The following SMARCC1 variants were observed in gnomAD, a reference collection of about 807,000 sequenced individuals.
SMARCC1 encodes SWI/SNF related BAF chromatin remodeling complex subunit C1.
Under a neutral mutation model 147.4 loss-of-function variants are expected in SMARCC1, and 43 were observed. The observed-to-expected ratio is 0.29, with a 90% CI of 0.23 to 0.38. SMARCC1 has a LOEUF of 0.38. Among genes scored for constraint, SMARCC1 ranks in the 10% least tolerant of loss-of-function variants. The pLI is 1.00. For missense variants in SMARCC1, 1,119 were observed against 1,381.1 expected, an observed-to-expected ratio of 0.81 and a Z score of 3.01; for synonymous variants, 495 against 484.4, an observed-to-expected ratio of 1.02 and a Z score of -0.29.
At chr3:47,734,643 T>C (rs189483318) in intron 5 of SMARCC1, among the ~76,000 whole-genome samples, 1 of 152,336 alleles carries the variant, frequency 6.6e-6, no homozygotes, top group East Asian at 1.9e-4. Context: ...TAGTCACATG[T>C]AATCACAAAC....
Position 47,653,744 on chromosome 3 carries a change from G to A in SMARCC1, c.2320+7550C>T, listed in dbSNP as rs947360499. Among the ~76,000 whole-genome samples the A allele has an allele frequency of 6.6e-5, 10 of 152,092 alleles. No individual in the cohort carries two copies. The East Asian group carries it at 1.7e-3, about 26-fold the overall frequency. On this transcript the variant is annotated intron_variant, in intron 21 of 27. Transcript: ENST00000254480. ...TTCTCAACTCATTTGAAATATTTAT[G>A]TTATGGTCTGTTTTCCTTACCCTTA... is the stretch of plus-strand genomic sequence containing the variant.
At chr3:47,693,410 A>G (rs1054268148) in intron 11 of SMARCC1, 110 bp from the exon 12 acceptor site, 2 of 655,000 alleles carry the variant, frequency 3.1e-6, no homozygotes, top group African/African-American at 3.6e-5. Context: ...CTACAACTGC[A>G]ACACCATTCA....
chr3:47,710,968 ATC>A (rs1242249929), intron 8 of SMARCC1, among the ~76,000 whole-genome samples, 160 bp from the exon 9 acceptor site: 1 of 152,242 alleles, frequency 6.6e-6, no homozygotes, highest in Non-Finnish European at 1.5e-5. Flanking sequence ...TAATTTAATC[ATC>A]TCTATTTTTA....
In SMARCC1 at chr3:47,693,238, T is replaced by C. The variant is rs201795178; in HGVS notation, c.1225+3A>G. 1.3e-6 allele frequency: 2 copies of C among 1,547,112 alleles called. No individual in the cohort carries two copies. Among genetic ancestry groups the C allele is most frequent in the African/African-American group, 1.4e-5 (1 of 73,726 alleles). On this transcript the variant is annotated splice_donor_region_variant and intron_variant, in intron 12 of 27. Coordinates refer to ENST00000254480, the MANE Select transcript of SMARCC1 (RefSeq NM_003074.4). Reference sequence around the variant, plus strand: ...GACCAGTGTATAGATTTTAGGTGCTTACCTAGATCCGCTACAGTTCCTCCT... The same window carrying C: ...GACCAGTGTATAGATTTTAGGTGCTCACCTAGATCCGCTACAGTTCCTCCT...
In SMARCC1 at chr3:47,742,055, T is replaced by G. The variant is rs544541666; in HGVS notation, c.401+3853A>C. 2.0e-5 allele frequency among the ~76,000 whole-genome samples: 3 copies of G among 152,244 alleles called. No individual in the cohort carries two copies. The East Asian group carries it at 5.8e-4, about 29-fold the overall frequency. ...TATTGTTGTCTTGCCTTTGGCTCAG[T>G]GCATTTTTGTTTTTCCTTTTAGAAG... On this transcript the variant is annotated intron_variant, in intron 3 of 27. Transcript: ENST00000254480.
intron 7 of SMARCC1, among the ~76,000 whole-genome samples, chr3:47,718,415 A>C (rs974785074): frequency 6.6e-6 from 1 of 152,180 alleles, no homozygotes; most frequent in African/African-American, 2.4e-5. Flanking sequence ...GCCTGGGAGA[A>C]AGAGTAAGAC....
chr3:47,597,861 T>C (rs2032316222), intron 26 of SMARCC1, among the ~76,000 whole-genome samples: 1 of 152,210 alleles, frequency 6.6e-6, no homozygotes, highest in Non-Finnish European at 1.5e-5. Context: ...GTTTGGTATC[T>C]GACTGCTGGG....
At chr3:47,717,359 C>T (rs2106805715) in intron 7 of SMARCC1, among the ~76,000 whole-genome samples, 1 of 152,174 alleles carries the variant, frequency 6.6e-6, no homozygotes, top group Admixed American at 6.5e-5. Flanking sequence ...GTAAACGAAA[C>T]ATGACAAACC....
intron 19 of SMARCC1, chr3:47,664,071 G>A (rs958347629): frequency 2.4e-5 from 11 of 453,800 alleles, no homozygotes; most frequent in Admixed American, 2.4e-4. Context: ...GACCCTTTGC[G>A]TAACTGTAAC....
rs1178117694 is a variant in SMARCC1, at chr3:47,781,887, C to A, written c.-90G>T. 4 of 882,558 alleles carry A rather than the reference C, an allele frequency of 4.5e-6. No homozygotes were observed. The African/African-American group carries it at 5.3e-5, about 12-fold the overall frequency. The allele number at this position is 882,558 out of a possible 1,614,324, so 54.7% of individuals were successfully genotyped here. ...CCGCGCGCACCCCCGCGCGCGTAGC[C>A]GCCACTGCCGCTTCCCGGCCCCGCC... is the stretch of plus-strand genomic sequence containing the variant. On this transcript the variant is annotated 5_prime_UTR_variant, in exon 1 of 28. Coordinates refer to ENST00000254480, the MANE Select transcript of SMARCC1 (RefSeq NM_003074.4).
At chr3:47,753,484 C>T (rs1444625490) in intron 2 of SMARCC1, among the ~76,000 whole-genome samples, 2 of 151,436 alleles carry the variant, frequency 1.3e-5, no homozygotes, top group South Asian at 2.1e-4. Context: ...GAGGCCGAGG[C>T]GGGCGGATCA....
At chr3:47,647,786 C>T (rs7624474) in intron 21 of SMARCC1, among the ~76,000 whole-genome samples, 90,395 of 152,042 alleles carry the variant, frequency 0.59, 28,154 homozygotes, top group East Asian at 0.72. Context: ...AGTCCAAGCT[C>T]ACAACCTTTG....
At chr3:47,660,579 A>G (rs1576402264) in intron 21 of SMARCC1, among the ~76,000 whole-genome samples, 1 of 152,308 alleles carries the variant, frequency 6.6e-6, no homozygotes, top group East Asian at 1.9e-4. Flanking sequence ...ATGCTACAGC[A>G]TGGAAGAACC....
At chr3:47,665,649 G>A (rs1025226686) in intron 19 of SMARCC1, among the ~76,000 whole-genome samples, 4 of 152,138 alleles carry the variant, frequency 2.6e-5, no homozygotes, top group Non-Finnish European at 5.9e-5. Flanking sequence ...CCTAGGAACT[G>A]ATAATAATGC....
At chr3:47,776,724 T>C (rs1039071748) in intron 1 of SMARCC1, among the ~76,000 whole-genome samples, 1 of 152,032 alleles carries the variant, frequency 6.6e-6, no homozygotes, top group Non-Finnish European at 1.5e-5. Flanking sequence ...TTCAGGTAAA[T>C]ATACATATAT....
At position 47,657,705 on chromosome 3, in the gene SMARCC1, C is replaced by T. The variant is rs556313344; in HGVS notation, c.2320+3589G>A. 3.1e-3 allele frequency among the ~76,000 whole-genome samples: 467 copies of T among 151,852 alleles called. 2 individuals carry two copies. The highest frequency in any genetic ancestry group is 4.5e-3 in the Non-Finnish European group (303 of 67,944). ...GGCGGGTGCCTGTAATCCAGGTACT[C>T]GGGAGGCTGAGGCAAGAGAATGGCT... On this transcript the variant is annotated intron_variant, in intron 21 of 27. Transcript: ENST00000254480.
intron 26 of SMARCC1, among the ~76,000 whole-genome samples, chr3:47,598,082 T>C (rs1013831107): frequency 3.3e-5 from 5 of 152,208 alleles, no homozygotes; most frequent in Non-Finnish European, 5.9e-5. Context: ...TTTAAGGTGG[T>C]ACTGTCCCAG....
intron 26 of SMARCC1, among the ~76,000 whole-genome samples, chr3:47,599,838 G>A (rs981702321): frequency 6.6e-6 from 1 of 152,182 alleles, no homozygotes; most frequent in African/African-American, 2.4e-5. Flanking sequence ...AAATAATCTG[G>A]CAAAGAGGAG....
chr3:47,781,828 C>A lies in SMARCC1; in HGVS notation c.-31G>T. 1 of 1,308,750 alleles carries A rather than the reference C, an allele frequency of 7.6e-7. No individual in the cohort carries two copies. Among genetic ancestry groups the A allele is most frequent in the Non-Finnish European group, 9.7e-7 (1 of 1,026,718 alleles). The allele number at this position is 1,308,750 out of a possible 1,614,324, so 81.1% of individuals were successfully genotyped here. ...CAGCCCGTCGTCCCCACAGCCTGGCCCACCCCGGCCCTCGCGGTGTTTCCC... is the reference window on the plus strand; with the variant it reads ...CAGCCCGTCGTCCCCACAGCCTGGCACACCCCGGCCCTCGCGGTGTTTCCC... On this transcript the variant is annotated 5_prime_UTR_variant, in exon 1 of 28. Coordinates refer to ENST00000254480, the MANE Select transcript of SMARCC1 (RefSeq NM_003074.4).
Sources: gnomAD v4.1 joint callset for allele counts (sites outside exome capture counted in the v4.1 genomes callset) on GRCh38, gnomAD v4.1.1 for gene constraint, MANE v1.5 for transcripts, NCBI Gene and HGNC (gene_info 2026-07-23, HGNC 2026-07-21) for gene names.